Variants in TNFSF4 observed in about 807,000 individuals in gnomAD.
The protein encoded by TNFSF4 is TNF superfamily member 4.
TNFSF4 carries 4 observed loss-of-function variants against 7.3 expected under a neutral mutation model. The observed-to-expected ratio is 0.55, with a 90% CI of 0.27 to 1.25. TNFSF4 has a LOEUF of 1.25. Among genes scored for constraint, TNFSF4 ranks in the 50% most tolerant of loss-of-function variants. TNFSF4 has a pLI of 0.12. For synonymous variants in TNFSF4, 76 were observed against 83.7 expected, an observed-to-expected ratio of 0.91 and a Z score of 0.50; for missense variants, 181 against 208.8, an observed-to-expected ratio of 0.87 and a Z score of 0.82.
At chr1:173,287,739 T>G in the TNFSF4 span, among the ~76,000 whole-genome samples, 1 of 152,130 alleles carries the variant, frequency 6.6e-6, no homozygotes, top group African/African-American at 2.4e-5. Flanking sequence ...TTAAAAAAAC[T>G]CTACTGATAC....
chr1:173,279,502 C>T, the TNFSF4 span, among the ~76,000 whole-genome samples: 1 of 152,056 alleles, frequency 6.6e-6, no homozygotes, highest in African/African-American at 2.4e-5. Context: ...TTCACATATC[C>T]AACTGCCTCT....
the TNFSF4 span, among the ~76,000 whole-genome samples, chr1:173,383,943 G>A: frequency 6.6e-6 from 1 of 152,180 alleles, no homozygotes; most frequent in Non-Finnish European, 1.5e-5. Flanking sequence ...GCACACAGTG[G>A]AAAGATAGCA....
the TNFSF4 span, among the ~76,000 whole-genome samples, chr1:173,294,276 G>T: frequency 6.6e-6 from 1 of 151,918 alleles, no homozygotes; most frequent in Admixed American, 6.6e-5. Context: ...ACAAACATGA[G>T]AAATAACAAA....
the TNFSF4 span, among the ~76,000 whole-genome samples, chr1:173,313,576 T>C: frequency 2.0e-5 from 3 of 152,114 alleles, no homozygotes; most frequent in Admixed American, 2.0e-4. Flanking sequence ...GACACTTTAT[T>C]TACAAGAAAT....
chr1:173,415,670 TG>T, the TNFSF4 span, among the ~76,000 whole-genome samples: 3 of 152,240 alleles, frequency 2.0e-5, no homozygotes, highest in Non-Finnish European at 2.9e-5. Flanking sequence ...CTAACCTCTG[TG>T]ACCCTCAGCC....
At chr1:173,312,914 C>T in the TNFSF4 span, among the ~76,000 whole-genome samples, 1 of 152,108 alleles carries the variant, frequency 6.6e-6, no homozygotes, top group Non-Finnish European at 1.5e-5. Context: ...CAACCCTTTC[C>T]TCCAGATAAA....
At chr1:173,308,307 GTGTGTC>G in the TNFSF4 span, among the ~76,000 whole-genome samples, 34 of 149,980 alleles carry the variant, frequency 2.3e-4, no homozygotes, top group South Asian at 6.3e-4. Context: ...GTGTGTGTGT[GTGTGTC>G]TGTGTGTGTG....
Position 173,186,850 on chromosome 1 carries a change from T to C in TNFSF4, c.218A>G (p.Lys73Arg). 1.9e-6 allele frequency: 3 copies of C among 1,598,722 alleles called. No individual in the cohort carries two copies. Among genetic ancestry groups the C allele is most frequent in the Non-Finnish European group, 1.7e-6 (2 of 1,171,944 alleles). Residue 73 changes from lysine to arginine, a missense_variant, in exon 3 of 3, where the codon AAA becomes AGA. By Grantham distance (26) the Lys-to-Arg change is conservative. Coordinates refer to ENST00000281834, the MANE Select transcript of TNFSF4 (RefSeq NM_003326.5). ...CTTTTGGGAAGTGAGGATGAAACCT[T>C]TCTCCTTCTTATATTCTAGGGAGGA... is the stretch of plus-strand genomic sequence containing the variant. ...KVQFTEYKKE[K>R]GFILTSQKED... is the part of the protein sequence containing the mutation.
At chr1:173,400,853 A>G in the TNFSF4 span, among the ~76,000 whole-genome samples, 2 of 152,240 alleles carry the variant, frequency 1.3e-5, no homozygotes, top group Non-Finnish European at 2.9e-5. Flanking sequence ...CAGGAAAAGA[A>G]TCACAACCAA....
At chr1:173,431,161 G>T in the TNFSF4 span, among the ~76,000 whole-genome samples, 1 of 152,182 alleles carries the variant, frequency 6.6e-6, no homozygotes, top group African/African-American at 2.4e-5. Context: ...TAAAGTAAAT[G>T]AATCACTGTA....
the TNFSF4 span, among the ~76,000 whole-genome samples, chr1:173,173,473 T>C: frequency 2.6e-5 from 4 of 152,188 alleles, no homozygotes; most frequent in Non-Finnish European, 5.9e-5. Flanking sequence ...TACAGTCTCC[T>C]TGTAATAGGG....
At chr1:173,336,596 C>G in the TNFSF4 span, among the ~76,000 whole-genome samples, 1 of 152,174 alleles carries the variant, frequency 6.6e-6, no homozygotes, top group Non-Finnish European at 1.5e-5. Context: ...CTCTCTGGCC[C>G]AGTGTCACAA....
chr1:173,309,050 G>A, the TNFSF4 span, among the ~76,000 whole-genome samples: 3 of 151,970 alleles, frequency 2.0e-5, no homozygotes, highest in African/African-American at 7.2e-5. Flanking sequence ...TCACATGCTA[G>A]AAGATCTTAT....
chr1:173,175,855 T>C, the TNFSF4 span, among the ~76,000 whole-genome samples: 4 of 152,118 alleles, frequency 2.6e-5, no homozygotes, highest in Non-Finnish European at 4.4e-5. Flanking sequence ...AGAAAGACTT[T>C]TGTTGGCGCA....
Position 173,198,777 on chromosome 1 carries a change from C to T in TNFSF4, c.153+8247G>A, listed in dbSNP as rs531528522. On this transcript the variant is annotated intron_variant, in intron 1 of 2. Transcript: ENST00000281834. ...AATAAAAGTTAAAAAAAGATGATCC[C>T]TAGTGTTGTGCATGCAGTGAAGCTC... Among the ~76,000 whole-genome samples the T allele has an allele frequency of 1.4e-3, 207 of 152,234 alleles. 1 individual carries two copies. Among genetic ancestry groups the T allele is most frequent in the South Asian group, 5.0e-3 (24 of 4,826 alleles).
At chr1:173,309,093 C>A in the TNFSF4 span, among the ~76,000 whole-genome samples, 19 of 151,878 alleles carry the variant, frequency 1.3e-4, no homozygotes, top group African/African-American at 4.3e-4. Context: ...GAATTAAATT[C>A]TTTTATTCAT....
At chr1:173,363,947 T>C in the TNFSF4 span, among the ~76,000 whole-genome samples, 1 of 152,300 alleles carries the variant, frequency 6.6e-6, no homozygotes, top group Admixed American at 6.5e-5. Flanking sequence ...CTGGCCTTAA[T>C]CATAAATTTT....
the TNFSF4 span, among the ~76,000 whole-genome samples, chr1:173,323,515 A>G: frequency 1.6e-4 from 25 of 152,376 alleles, no homozygotes; most frequent in Middle Eastern, 3.4e-3. Flanking sequence ...TGGACAGAGA[A>G]TGACTTTGAC....
At chr1:173,394,637 T>A in the TNFSF4 span, among the ~76,000 whole-genome samples, 1 of 152,148 alleles carries the variant, frequency 6.6e-6, no homozygotes, top group Admixed American at 6.6e-5. Flanking sequence ...GAAAGGAGAA[T>A]TCACCCCTTC....
Sources: gnomAD v4.1 joint callset for allele counts (sites outside exome capture counted in the v4.1 genomes callset) on GRCh38, gnomAD v4.1.1 for gene constraint, MANE v1.5 for transcripts, NCBI Gene and HGNC (gene_info 2026-07-23, HGNC 2026-07-21) for gene names.